The following FANCD2OS variants were observed in gnomAD, a reference collection of about 807,000 sequenced individuals.
FANCD2OS encodes FANCD2 opposite strand.
In FANCD2OS, 11 loss-of-function variants were observed where a neutral mutation model predicts 13.2. The observed-to-expected ratio is 0.83, with a 90% CI of 0.52 to 1.38. The LOEUF is 1.38. Among genes scored for constraint, FANCD2OS ranks in the 40% most tolerant of loss-of-function variants. The probability of loss-of-function intolerance (pLI) is 0.00; values close to 1 mark genes in which losing one functional copy is unlikely to be tolerated. For synonymous variants in FANCD2OS, 69 were observed against 84.5 expected (o/e 0.82, Z 1.01); for missense variants, 217 against 213.9 (o/e 1.01, Z -0.09).
At chr3:10,103,087 T>C, downstream of FANCD2OS, 1 of 434,186 alleles carries the variant, frequency 2.3e-6, no homozygotes, top group African/African-American at 2.5e-5. Flanking sequence ...TGAAACTCCA[T>C]CTCTACTAAA....
At chr3:10,094,157 A>G in intron 2 of FANCD2OS, 1 of 713,904 alleles carries the variant, frequency 1.4e-6, no homozygotes. Context: ...AACCTTTTGG[A>G]CCCTTCCCAA....
At chr3:10,089,225 C>T (rs1418811949) in intron 2 of FANCD2OS, among the ~76,000 whole-genome samples, 5 of 151,468 alleles carry the variant, frequency 3.3e-5, no homozygotes, top group Admixed American at 2.6e-4. Flanking sequence ...GCGGAGGTTG[C>T]AGTGAGCCGG....
At chr3:10,095,090 C>A in intron 2 of FANCD2OS, 1 of 882,198 alleles carries the variant, frequency 1.1e-6, no homozygotes, top group Non-Finnish European at 1.9e-6. Context: ...TCAGCATAGG[C>A]TGGAAACTGC....
rs150256384 is a variant in FANCD2OS at position 10,097,530 on chromosome 3, G to A, written c.*43+6668C>T. ...AGGAAGAGAAACATGGTTCTGTTCC[G>A]CCCGGCTCACCGGCGGTCAGAGTTT... On this transcript the variant is annotated intron_variant, in intron 2 of 2. Coordinates refer to the FANCD2OS transcript ENST00000524279. Among the ~76,000 whole-genome samples, 495 of 152,272 alleles carry A rather than the reference G, an allele frequency of 3.3e-3. 10 individuals carry two copies. In the South Asian group the frequency reaches 0.04, roughly 12 times the overall value.
chr3:10,093,052 T>C (rs1235805629), intron 2 of FANCD2OS, among the ~76,000 whole-genome samples: 1 of 152,160 alleles, frequency 6.6e-6, no homozygotes, highest in Admixed American at 6.6e-5. Context: ...TGCCATCTTC[T>C]CAACACTCCC....
At chr3:10,101,549 C>G, downstream of FANCD2OS, 4 of 423,226 alleles carry the variant, frequency 9.5e-6, no homozygotes, top group South Asian at 9.6e-5. Context: ...CCATGCCCAG[C>G]TAATTTTTGT....
downstream of FANCD2OS, chr3:10,098,650 C>G: frequency 6.4e-7 from 1 of 1,574,380 alleles, no homozygotes; most frequent in Non-Finnish European, 8.6e-7. Flanking sequence ...CCTGTAAACT[C>G]AACCTTCTCC....
At chr3:10,092,464 A>C (rs1694689880) in intron 2 of FANCD2OS, among the ~76,000 whole-genome samples, 2 of 145,498 alleles carry the variant, frequency 1.4e-5, no homozygotes, top group African/African-American at 2.6e-5. Flanking sequence ...CCTTCCTCCT[A>C]CTTATGCCAC....
chr3:10,099,998 C>G (rs1004467309), downstream of FANCD2OS, among the ~76,000 whole-genome samples: 10 of 151,928 alleles, frequency 6.6e-5, no homozygotes, highest in Admixed American at 2.6e-4. Context: ...AATTTCAAGA[C>G]CAACCCGAGA....
chr3:10,092,522 C>T (rs1035644924), intron 2 of FANCD2OS, among the ~76,000 whole-genome samples: 6 of 151,510 alleles, frequency 4.0e-5, no homozygotes, highest in Admixed American at 4.0e-4. Flanking sequence ...CACTTTTTCA[C>T]CTTGCCTTGG....
Position 10,084,348 on chromosome 3 carries a change from G to A in FANCD2OS, c.*44-2817C>T, listed in dbSNP as rs549162099. 6.7e-5 allele frequency among the ~76,000 whole-genome samples: 10 copies of A among 149,732 alleles called. No homozygotes were observed. The East Asian group carries it at 1.6e-3, about 24-fold the overall frequency. ...GCTCTGTTGCCCAGGCTGGAGTGTAGTAACACAATCACAGCTCACTGCAAC... is the reference window on the plus strand; with the variant it reads ...GCTCTGTTGCCCAGGCTGGAGTGTAATAACACAATCACAGCTCACTGCAAC... On this transcript the variant is annotated intron_variant, in intron 2 of 2. Transcript: ENST00000524279.
intron 2 of FANCD2OS, among the ~76,000 whole-genome samples, chr3:10,088,170 C>G (rs949926534): frequency 3.3e-5 from 5 of 152,108 alleles, no homozygotes; most frequent in African/African-American, 9.7e-5. Context: ...TTCCTTTTCT[C>G]TGTGTGTCTG....
At chr3:10,088,623 G>C in intron 2 of FANCD2OS, 1 of 1,152,678 alleles carries the variant, frequency 8.7e-7, no homozygotes, top group East Asian at 2.4e-5. Context: ...CTGGACAAAT[G>C]ACCTTTTTAG....
chr3:10,100,984 G>A (rs372352101), downstream of FANCD2OS, among the ~76,000 whole-genome samples: 8 of 152,014 alleles, frequency 5.3e-5, no homozygotes, highest in South Asian at 8.3e-4. Context: ...CAGGGGAATC[G>A]CTTGAACCCG....
chr3:10,085,758 A>G, intron 2 of FANCD2OS: 1 of 1,122,036 alleles, frequency 8.9e-7, no homozygotes, highest in African/African-American at 1.5e-5. Flanking sequence ...CTTAAATACT[A>G]TCCAAGTAGT....
At chr3:10,095,351 T>C in intron 2 of FANCD2OS, 1 of 1,148,680 alleles carries the variant, frequency 8.7e-7, no homozygotes, top group South Asian at 1.3e-5. Context: ...ATCCATGGGC[T>C]ACCATCCTTC....
chr3:10,091,797 A>C (rs551711253), intron 2 of FANCD2OS, among the ~76,000 whole-genome samples: 8 of 152,320 alleles, frequency 5.3e-5, no homozygotes, highest in Admixed American at 4.6e-4. Context: ...CAAGACATAG[A>C]AGAATCAGCA....
intron 2 of FANCD2OS, chr3:10,095,145 A>T: frequency 6.9e-7 from 1 of 1,440,810 alleles, no homozygotes; most frequent in Non-Finnish European, 9.8e-7. Flanking sequence ...GGTATCTTGA[A>T]TCTAAAATGA....
chr3:10,094,979 G>T, intron 2 of FANCD2OS: 1 of 567,062 alleles, frequency 1.8e-6, no homozygotes, highest in East Asian at 3.0e-5. Flanking sequence ...TAAAATGCAG[G>T]TCTTATAACT....
Sources: allele counts gnomAD v4.1 joint callset (sites outside exome capture counted in the v4.1 genomes callset), GRCh38; gene constraint gnomAD v4.1.1; transcripts MANE v1.5; gene names NCBI Gene and HGNC (gene_info 2026-07-23, HGNC 2026-07-21).